The following DNAL1 variants were observed in gnomAD, a reference collection of about 807,000 sequenced individuals.
The protein encoded by DNAL1 is dynein axonemal light chain 1, also known as chromosome 14 open reading frame 168.
In DNAL1, 17 loss-of-function variants were observed where a neutral mutation model predicts 29.4. That is an observed-to-expected ratio of 0.58 (90% CI 0.40 to 0.87). The LOEUF (loss-of-function observed/expected upper bound fraction) is 0.87. Ranked by LOEUF, DNAL1 falls within the 40% of genes least tolerant of loss-of-function variation. DNAL1 has a pLI of 0.00. For synonymous variants in DNAL1, 78 were observed against 76.3 expected, an observed-to-expected ratio of 1.02 and a Z score of -0.12; for missense variants, 188 against 214.1, an observed-to-expected ratio of 0.88 and a Z score of 0.76.
Position 73,701,450 on chromosome 14 carries a change from T to A in DNAL1, c.*5508T>A, listed in dbSNP as rs1668901735. 1 of 152,264 alleles carries A rather than the reference T, an allele frequency of 6.6e-6. No homozygotes were observed. The highest frequency in any genetic ancestry group is 2.4e-5 in the African/African-American group (1 of 41,478). The allele number at this position is 152,264 out of a possible 1,614,324, so 9.4% of individuals were successfully genotyped here. A position where few individuals can be genotyped will look rare whatever the true frequency, so the allele number is the denominator to read the frequency against. ...CTACTTGAGTCGTCTTCCATGTCTG[T>A]TACATCCAAGATCATCCCTCTGGGG... On this transcript the variant is annotated 3_prime_UTR_variant, in exon 8 of 8. Transcript: ENST00000553645.
chr14:73,647,874 T>C (rs1022739654), intron 1 of DNAL1, among the ~76,000 whole-genome samples: 7 of 152,196 alleles, frequency 4.6e-5, no homozygotes, highest in Non-Finnish European at 7.3e-5. Flanking sequence ...TGTACCGTCA[T>C]AGGGTCTATG....
intron 6 of DNAL1, 121 bp from the exon 7 acceptor site, chr14:73,689,254 G>T: frequency 8.7e-7 from 1 of 1,143,146 alleles, no homozygotes; most frequent in South Asian, 1.5e-5. Flanking sequence ...GGATGGTCTC[G>T]ATCTCCTGAT....
In DNAL1 at chr14:73,700,866, C is replaced by T. The variant is rs1433301332; in HGVS notation, c.*4924C>T. On this transcript the variant is annotated 3_prime_UTR_variant, in exon 8 of 8. Coordinates refer to ENST00000553645, the MANE Select transcript of DNAL1 (RefSeq NM_031427.4). ...GTTGGTGCTTCTTCTGACAAGCTAA[C>T]TTGACCATATTTCTTTATCTGTGCT... is the stretch of plus-strand genomic sequence containing the variant. The T allele has an allele frequency of 6.6e-6, 1 of 152,204 alleles. No individual in the cohort carries two copies. The highest frequency in any genetic ancestry group is 1.5e-5 in the Non-Finnish European group (1 of 68,040). 9.4% of individuals were successfully genotyped at this position (152,204 alleles called of 1,614,324 possible). A position where few individuals can be genotyped will look rare whatever the true frequency, so the allele number is the denominator to read the frequency against.
intron 3 of DNAL1, among the ~76,000 whole-genome samples, chr14:73,659,927 G>A (rs1263016373): frequency 6.6e-6 from 1 of 152,036 alleles, no homozygotes; most frequent in Non-Finnish European, 1.5e-5. Flanking sequence ...TTCTAATTGG[G>A]ATCAAATTAT....
chr14:73,646,949 T>A (rs1890989309), intron 1 of DNAL1, among the ~76,000 whole-genome samples: 1 of 152,124 alleles, frequency 6.6e-6, no homozygotes, highest in African/African-American at 2.4e-5. Flanking sequence ...TATTTCAATT[T>A]AAAAAAATTT....
chr14:73,693,431 G>A (rs1004446596), intron 7 of DNAL1, among the ~76,000 whole-genome samples: 6 of 152,116 alleles, frequency 3.9e-5, no homozygotes, highest in Non-Finnish European at 7.4e-5. Context: ...AAATGTTCAT[G>A]AACAATAGAA....
chr14:73,677,701 C>T (rs1188435171), intron 5 of DNAL1, among the ~76,000 whole-genome samples: 8 of 150,156 alleles, frequency 5.3e-5, no homozygotes, highest in African/African-American at 9.7e-5. Context: ...GGACTACAGG[C>T]GCCCGCCACC....
At chr14:73,662,319 C>G (rs1052373921) in intron 4 of DNAL1, among the ~76,000 whole-genome samples, 1 of 152,088 alleles carries the variant, frequency 6.6e-6, no homozygotes, top group African/African-American at 2.4e-5. Context: ...TTTCTTTGTT[C>G]AGATTTGTAT....
chr14:73,645,427 G>T (rs1042402363), intron 1 of DNAL1, among the ~76,000 whole-genome samples: 5 of 152,162 alleles, frequency 3.3e-5, no homozygotes, highest in Non-Finnish European at 7.3e-5. Flanking sequence ...GGAGGGGCTG[G>T]TTACCAGAGG....
intron 1 of DNAL1, among the ~76,000 whole-genome samples, chr14:73,648,602 G>A (rs1009271398): frequency 6.7e-6 from 1 of 149,338 alleles, no homozygotes; most frequent in African/African-American, 2.5e-5. Context: ...TTTTAGTAGA[G>A]AGAGGGTTCT....
intron 3 of DNAL1, 37 bp downstream of exon 3, chr14:73,658,993 G>A (rs1347563420): frequency 7.6e-7 from 1 of 1,321,610 alleles, no homozygotes; most frequent in Non-Finnish European, 1.0e-6. Context: ...ATTGCTGTTA[G>A]GTTTCCCTTT....
chr14:73,671,522 A>T lies in DNAL1; in HGVS notation c.209-20A>T, dbSNP rs1566885329. The T allele has an allele frequency of 6.9e-7, 1 of 1,446,732 alleles. No individual in the cohort carries two copies. Among genetic ancestry groups the T allele is most frequent in the South Asian group, 1.6e-5 (1 of 63,712 alleles). 89.6% of individuals were successfully genotyped at this position (1,446,732 alleles called of 1,614,324 possible). ...TAATATGATTCTAGTAAACAAAAAA[A>T]TGTTTTCTTTTCACTACAGAAAACT... On this transcript the variant is annotated intron_variant, in intron 4 of 7. Coordinates refer to ENST00000553645, the MANE Select transcript of DNAL1 (RefSeq NM_031427.4).
Position 73,700,673 on chromosome 14 carries a change from A to G in DNAL1, c.*4731A>G, listed in dbSNP as rs1163318447. The G allele has an allele frequency of 6.6e-6, 1 of 152,228 alleles. No homozygotes were observed. Among genetic ancestry groups the G allele is most frequent in the Non-Finnish European group, 1.5e-5 (1 of 68,046 alleles). 9.4% of individuals were successfully genotyped at this position (152,228 alleles called of 1,614,324 possible). Reference sequence around the variant, plus strand: ...CTCTCTGACTACAGTCAGACCATCAATTCACTAAGACCTTATACTCTGTAA... The same window carrying G: ...CTCTCTGACTACAGTCAGACCATCAGTTCACTAAGACCTTATACTCTGTAA... On this transcript the variant is annotated 3_prime_UTR_variant, in exon 8 of 8. Coordinates refer to ENST00000553645, the MANE Select transcript of DNAL1 (RefSeq NM_031427.4).
intron 4 of DNAL1, 26 bp downstream of exon 4, chr14:73,662,068 T>C (rs1269993863): frequency 1.3e-6 from 2 of 1,527,436 alleles, no homozygotes; most frequent in Non-Finnish European, 1.8e-6. Context: ...TAACAGATGG[T>C]TCATGGATTT....
intron 5 of DNAL1, among the ~76,000 whole-genome samples, chr14:73,681,605 CAAAAAAAAA>C (rs71112792): frequency 8.1e-4 from 43 of 52,852 alleles, no homozygotes; most frequent in African/African-American, 3.2e-3. Context: ...CCATCTCTAC[CAAAAAAAAA>C]AAAAAAAAAA....
At chr14:73,674,143 C>A (rs1891675775) in intron 5 of DNAL1, among the ~76,000 whole-genome samples, 2 of 152,066 alleles carry the variant, frequency 1.3e-5, no homozygotes, top group Admixed American at 1.3e-4. Flanking sequence ...TATGATCTGG[C>A]CTTTGCCTTC....
intron 4 of DNAL1, among the ~76,000 whole-genome samples, chr14:73,668,977 C>G (rs1891551081): frequency 6.6e-6 from 1 of 150,938 alleles, no homozygotes; most frequent in Non-Finnish European, 1.5e-5. Context: ...ACACCTGGCC[C>G]CTCCCTCTCT....
chr14:73,672,048 TA>T (rs1455687224), intron 5 of DNAL1, among the ~76,000 whole-genome samples: 8 of 152,154 alleles, frequency 5.3e-5, no homozygotes, highest in Admixed American at 5.2e-4. Context: ...CCCCTCCCAA[TA>T]AATCTAGCTT....
chr14:73,658,801 A>G (rs1891273228), intron 2 of DNAL1, 46 bp from the exon 3 acceptor site: 2 of 1,459,700 alleles, frequency 1.4e-6, no homozygotes, highest in East Asian at 4.6e-5. Context: ...TTTTGTTTCC[A>G]CATTGCAATC....
Sources: allele counts gnomAD v4.1 joint callset (sites outside exome capture counted in the v4.1 genomes callset), GRCh38; gene constraint gnomAD v4.1.1; transcripts MANE v1.5; gene names NCBI Gene and HGNC (gene_info 2026-07-23, HGNC 2026-07-21).